Variants in NLGN1 observed in about 807,000 individuals in gnomAD.
NLGN1 encodes neuroligin-1.
In NLGN1, 12 loss-of-function variants were observed where a neutral mutation model predicts 65.5. The ratio of observed to expected loss-of-function variants is 0.18; its 90% confidence interval spans 0.12 to 0.30. The LOEUF is 0.30. Ranked by LOEUF, NLGN1 falls within the 10% of genes least tolerant of loss-of-function variation. The pLI is 1.00. For missense variants in NLGN1, 750 were observed against 1,007.1 expected (o/e 0.74, Z 3.46); for synonymous variants, 350 against 359.5 (o/e 0.97, Z 0.30).
chr3:173,702,954 A>C (rs1304499259), intron 3 of NLGN1, among the ~76,000 whole-genome samples: 1 of 152,240 alleles, frequency 6.6e-6, no homozygotes, highest in Non-Finnish European at 1.5e-5. Context: ...ACATTTATGA[A>C]TTAAATATAG....
intron 4 of NLGN1, among the ~76,000 whole-genome samples, chr3:173,847,969 G>C (rs1430108798): frequency 6.6e-6 from 1 of 152,198 alleles, no homozygotes; most frequent in Non-Finnish European, 1.5e-5. Flanking sequence ...AATGAATGGA[G>C]ATCAGTAAGA....
At chr3:173,756,974 C>T (rs1476519831) in intron 3 of NLGN1, among the ~76,000 whole-genome samples, 1 of 151,846 alleles carries the variant, frequency 6.6e-6, no homozygotes, top group African/African-American at 2.4e-5. Flanking sequence ...AAACAAAAGC[C>T]AAACAACAAA....
At chr3:174,207,855 G>A (rs1234496663) in intron 4 of NLGN1, among the ~76,000 whole-genome samples, 1 of 152,160 alleles carries the variant, frequency 6.6e-6, no homozygotes, top group Non-Finnish European at 1.5e-5. Context: ...TAATATTCTT[G>A]TTAGAGATGT....
At chr3:173,720,964 A>G (rs1361690800) in intron 3 of NLGN1, among the ~76,000 whole-genome samples, 7 of 152,208 alleles carry the variant, frequency 4.6e-5, no homozygotes, top group Non-Finnish European at 8.8e-5. Context: ...TGAAGAATGA[A>G]TAAGAGGTAG....
At chr3:173,665,283 C>T (rs1761537800) in intron 3 of NLGN1, among the ~76,000 whole-genome samples, 1 of 152,038 alleles carries the variant, frequency 6.6e-6, no homozygotes, top group African/African-American at 2.4e-5. Context: ...ACTTTTCTCC[C>T]CTGTGTTCTG....
intron 4 of NLGN1, among the ~76,000 whole-genome samples, chr3:174,080,112 T>G (rs1396296087): frequency 1.3e-5 from 2 of 152,324 alleles, no homozygotes; most frequent in Non-Finnish European, 2.9e-5. Context: ...ATTTGATTCT[T>G]TTGGCCCTTT....
chr3:173,825,469 A>G (rs1721158473), intron 4 of NLGN1, among the ~76,000 whole-genome samples: 1 of 152,012 alleles, frequency 6.6e-6, no homozygotes, highest in Non-Finnish European at 1.5e-5. Context: ...TGTAGTGATT[A>G]ATATTAGTAA....
chr3:173,635,763 A>G (rs1042048356), intron 3 of NLGN1, among the ~76,000 whole-genome samples: 1 of 152,174 alleles, frequency 6.6e-6, no homozygotes, highest in Non-Finnish European at 1.5e-5. Context: ...TTGAAGTATC[A>G]TTCCTTCTTC....
At chr3:174,236,122 C>CT (rs1357532455) in intron 4 of NLGN1, among the ~76,000 whole-genome samples, 1 of 152,018 alleles carries the variant, frequency 6.6e-6, no homozygotes, top group Admixed American at 6.6e-5. Flanking sequence ...TACTAGTATG[C>CT]TTTTTTGGAA....
intron 4 of NLGN1, among the ~76,000 whole-genome samples, chr3:174,070,281 G>A (rs927451965): frequency 6.6e-6 from 1 of 151,506 alleles, no homozygotes; most frequent in Non-Finnish European, 1.5e-5. Flanking sequence ...CCTTCTACTT[G>A]GTTATTATTT....
intron 4 of NLGN1, among the ~76,000 whole-genome samples, chr3:173,862,402 A>T (rs536402880): frequency 7.0e-6 from 1 of 142,616 alleles, no homozygotes; most frequent in Non-Finnish European, 1.5e-5. Context: ...GCTACTTGGG[A>T]GGCTGAGGCA....
chr3:173,823,082 C>A (rs917494150), intron 4 of NLGN1, among the ~76,000 whole-genome samples: 11 of 151,956 alleles, frequency 7.2e-5, no homozygotes, highest in African/African-American at 2.7e-4. Flanking sequence ...TCAAGATCAA[C>A]AAATCCCAAT....
intron 2 of NLGN1, among the ~76,000 whole-genome samples, chr3:173,460,967 G>A (rs912577790): frequency 2.0e-5 from 3 of 152,102 alleles, no homozygotes; most frequent in Admixed American, 2.0e-4. Context: ...AAGAGACTTA[G>A]TCTATTTCTG....
At chr3:174,066,564 CTGTGTG>C (rs761468491) in intron 4 of NLGN1, among the ~76,000 whole-genome samples, 2 of 100,098 alleles carry the variant, frequency 2.0e-5, no homozygotes, top group South Asian at 3.6e-4. Context: ...CTCTCTCTCT[CTGTGTG>C]TGTGTGTGTG....
intron 4 of NLGN1, among the ~76,000 whole-genome samples, chr3:173,901,370 GGTGTGT>G: frequency 6.7e-6 from 1 of 149,122 alleles, no homozygotes; most frequent in African/African-American, 2.4e-5. Flanking sequence ...TTTTTGGGGG[GGTGTGT>G]GTGTGTGTGT....
intron 4 of NLGN1, among the ~76,000 whole-genome samples, chr3:173,908,040 C>T (rs1023684334): frequency 6.6e-6 from 1 of 152,282 alleles, no homozygotes; most frequent in South Asian, 2.1e-4. Flanking sequence ...TCTCTTTTAC[C>T]TTTCAATCTA....
In NLGN1 at chr3:174,210,923, T is replaced by C. The variant is rs115961688; in HGVS notation, c.647-64392T>C. ...TATTCAGTACAATAACATGCTAGTG[T>C]GTCCGGAATTGGTGGGTTCTTGCTC... On this transcript the variant is annotated intron_variant, in intron 4 of 6. Transcript: ENST00000457714. 3.3e-3 allele frequency among the ~76,000 whole-genome samples: 507 copies of C among 152,298 alleles called. 1 individual carries two copies. Among genetic ancestry groups the C allele is most frequent in the African/African-American group, 0.011 (445 of 41,568 alleles).
intron 3 of NLGN1, among the ~76,000 whole-genome samples, chr3:173,662,352 C>T (rs1354028481): frequency 6.6e-6 from 1 of 151,928 alleles, no homozygotes; most frequent in Non-Finnish European, 1.5e-5. Context: ...TCAGCCTTGA[C>T]CAAATCACTT....
At chr3:173,877,239 A>G (rs1200359729) in intron 4 of NLGN1, among the ~76,000 whole-genome samples, 2 of 152,194 alleles carry the variant, frequency 1.3e-5, no homozygotes, top group African/African-American at 2.4e-5. Context: ...TATGATACAC[A>G]GAAAAGGGCA....
Sources: allele counts gnomAD v4.1 joint callset (sites outside exome capture counted in the v4.1 genomes callset), GRCh38; gene constraint gnomAD v4.1.1; transcripts MANE v1.5; gene names NCBI Gene and HGNC (gene_info 2026-07-23, HGNC 2026-07-21).